The following ATP11A variants were observed in gnomAD, a reference collection of about 807,000 sequenced individuals.
ATP11A encodes the protein phospholipid-transporting ATPase IH.
In ATP11A, 81 loss-of-function variants were observed where a neutral mutation model predicts 154.4. The observed-to-expected ratio is 0.52, with a 90% CI of 0.44 to 0.63. The LOEUF (loss-of-function observed/expected upper bound fraction) is 0.63. Among genes scored for constraint, ATP11A ranks in the 30% least tolerant of loss-of-function variants. The pLI is 0.00. For synonymous variants in ATP11A, 623 were observed against 585.9 expected (o/e 1.06, Z -0.91); for missense variants, 1,316 against 1,474.3 (o/e 0.89, Z 1.76).
intron 2 of ATP11A, among the ~76,000 whole-genome samples, chr13:112,789,843 C>T (rs12017166): frequency 1.4e-5 from 2 of 141,568 alleles, no homozygotes; most frequent in African/African-American, 2.7e-5. Flanking sequence ...TGTAGTAGAC[C>T]CCTGTGGAGA....
At chr13:112,718,136 C>T (rs755945931) in intron 1 of ATP11A, among the ~76,000 whole-genome samples, 11 of 152,022 alleles carry the variant, frequency 7.2e-5, no homozygotes, top group South Asian at 2.1e-4. Context: ...CCCGCCAAGG[C>T]GTGAACAGGA....
chr13:112,826,598 ATAACTTAT>A, intron 11 of ATP11A, 88 bp from the exon 12 acceptor site: 1 of 1,009,488 alleles, frequency 9.9e-7, no homozygotes, highest in Admixed American at 1.8e-5. Flanking sequence ...TAGCGCTCGT[ATAACTTAT>A]GCCTAAGCCT....
chr13:112,878,185 C>G, intron 28 of ATP11A, 32 bp from the exon 29 acceptor site: 1 of 1,592,420 alleles, frequency 6.3e-7, no homozygotes, highest in Non-Finnish European at 8.6e-7. Flanking sequence ...TCACACACCC[C>G]TGTGTGCGTG....
Position 112,842,377 on chromosome 13 carries a change from G to GTGGTGAGAGCCGGGC in ATP11A, c.1809+2_1809+16dup. Reference sequence around the variant, plus strand: ...CCGAGCCAGAGTGGAGCGTAACGCAGTGGTGAGAGCCGGGCTGGGGAGGGC... The same window carrying GTGGTGAGAGCCGGGC: ...CCGAGCCAGAGTGGAGCGTAACGCAGTGGTGAGAGCCGGGCTGGTGAGAGCCGGGCTGGGGAGGGC... On this transcript the variant is annotated inframe_insertion and splice_region_variant, in exon 17 of 30. Coordinates refer to ENST00000375645, the MANE Select transcript of ATP11A (RefSeq NM_015205.3). The GTGGTGAGAGCCGGGC allele has an allele frequency of 6.2e-7, 1 of 1,601,274 alleles. No homozygotes were observed. The highest frequency in any genetic ancestry group is 8.5e-7 in the Non-Finnish European group (1 of 1,173,138).
intron 1 of ATP11A, among the ~76,000 whole-genome samples, chr13:112,748,455 T>C (rs2076610683): frequency 6.6e-6 from 1 of 152,218 alleles, no homozygotes; most frequent in Non-Finnish European, 1.5e-5. Context: ...AGCCTCCGCC[T>C]CCTGGGCTCA....
chr13:112,871,170 C>A (rs1011959555), intron 25 of ATP11A, among the ~76,000 whole-genome samples: 2 of 152,202 alleles, frequency 1.3e-5, no homozygotes, highest in Non-Finnish European at 1.5e-5. Context: ...CATTTACTCG[C>A]AGAACGTTCC....
Position 112,785,124 on chromosome 13 carries a change from C to G in ATP11A, c.40-11C>G, listed in dbSNP as rs2077592153. 2 of 1,470,532 alleles carry G rather than the reference C, an allele frequency of 1.4e-6. No individual in the cohort carries two copies. The highest frequency in any genetic ancestry group is 9.0e-7 in the Non-Finnish European group (1 of 1,107,878). 91.1% of individuals were successfully genotyped at this position (1,470,532 alleles called of 1,614,324 possible). ...TGAGGCAGCTGCCTAACACCGCTCT[C>G]CTTTCCGCAGTGTGCAGGAGAAGAG... is the stretch of plus-strand genomic sequence containing the variant. On this transcript the variant is annotated splice_polypyrimidine_tract_variant and intron_variant, in intron 1 of 29. Transcript: ENST00000375645. The surrounding 1 kb of genome is among the most constrained non-coding windows in gnomAD (Gnocchi z 4.8).
Position 112,854,381 on chromosome 13 carries a change from C to T in ATP11A, c.2094C>T (p.Cys698=). 6.2e-7 allele frequency: 1 copy of T among 1,614,062 alleles called. No homozygotes were observed. Among genetic ancestry groups the T allele is most frequent in the Non-Finnish European group, 8.5e-7 (1 of 1,180,048 alleles). ...GDKMETAAAT[C]YACKLFRRNT... The stretch of plus-strand genomic sequence containing the variant: ...AGATGGAGACGGCCGCGGCCACGTG[C>T]TACGCCTGCAAGCTCTTCCGCAGGA... The change falls in exon 19 of 30, where the codon TGC becomes TGT. Residue 698 remains cysteine (C), a synonymous_variant. Coordinates refer to ENST00000375645, the MANE Select transcript of ATP11A (RefSeq NM_015205.3).
chr13:112,691,483 G>GGGGTGT (rs1555299698), intron 1 of ATP11A, among the ~76,000 whole-genome samples: 12 of 125,136 alleles, frequency 9.6e-5, no homozygotes, highest in Admixed American at 4.4e-4. Flanking sequence ...AAAAAAAAAG[G>GGGGTGT]GTGTGTGTGT....
chr13:112,802,635 G>GT (rs1032416317), intron 2 of ATP11A, among the ~76,000 whole-genome samples: 9 of 151,172 alleles, frequency 6.0e-5, no homozygotes, highest in African/African-American at 2.2e-4. Context: ...CTCAAAGTGA[G>GT]TCATAGACCT....
chr13:112,737,879 T>G (rs1891156958), intron 1 of ATP11A, among the ~76,000 whole-genome samples: 1 of 152,202 alleles, frequency 6.6e-6, no homozygotes, highest in African/African-American at 2.4e-5. Context: ...CTCTGCTTTT[T>G]CGTGGTGCAG....
chr13:112,854,705 T>A (rs2140337140), intron 19 of ATP11A, among the ~76,000 whole-genome samples, 175 bp downstream of exon 19: 1 of 152,378 alleles, frequency 6.6e-6, no homozygotes. Context: ...CAAAACGGGC[T>A]GTTTTTTCCA....
intron 24 of ATP11A, chr13:112,860,695 G>A: frequency 3.4e-6 from 1 of 296,052 alleles, no homozygotes; most frequent in Non-Finnish European, 6.4e-6. Flanking sequence ...AGGGAGCTGG[G>A]GTACAAGCGT....
intron 12 of ATP11A, among the ~76,000 whole-genome samples, chr13:112,827,468 AG>A (rs2078962816): frequency 6.6e-6 from 1 of 152,236 alleles, no homozygotes. Flanking sequence ...CACAGCACAG[AG>A]TCTGGTGTGA....
chr13:112,769,710 A>T (rs1006852755), intron 1 of ATP11A, among the ~76,000 whole-genome samples: 4 of 152,152 alleles, frequency 2.6e-5, no homozygotes, highest in Non-Finnish European at 5.9e-5. Flanking sequence ...GATTTCTAGC[A>T]CTGATTTGCA....
chr13:112,878,019 G>A (rs567357084), intron 28 of ATP11A, among the ~76,000 whole-genome samples, 198 bp from the exon 29 acceptor site: 28 of 152,336 alleles, frequency 1.8e-4, no homozygotes, highest in African/African-American at 5.3e-4. Flanking sequence ...AGGGGCTGGC[G>A]GGTCACGGTG....
chr13:112,834,447 T>G (rs944020292), intron 14 of ATP11A, 142 bp from the exon 15 acceptor site: 2 of 645,556 alleles, frequency 3.1e-6, no homozygotes, highest in Middle Eastern at 3.8e-4. Flanking sequence ...TTCCTAACTT[T>G]ATAATGCAGT....
rs1229450878 is a variant in ATP11A, at chr13:112,855,970, T to C, written c.2303T>C (p.Ile768Thr). 3 of 1,614,114 alleles carry C rather than the reference T, an allele frequency of 1.9e-6. No individual in the cohort carries two copies. In the African/African-American group the frequency reaches 4.0e-5, roughly 22 times the overall value. Reference sequence around the variant, plus strand: ...ATCGACGGAGCTGCACTGTCTCTGATAATGAAGCCTCGAGAAGACGGGAGT... The same window carrying C: ...ATCGACGGAGCTGCACTGTCTCTGACAATGAAGCCTCGAGAAGACGGGAGT... The part of the protein sequence containing the change: ...LIIDGAALSL[I>T]MKPREDGSSG... The change falls in exon 20 of 30, where the codon ATA becomes ACA. Residue 768 changes from isoleucine (I) to threonine (T), a missense_variant. Transcript: ENST00000375645.
intron 1 of ATP11A, among the ~76,000 whole-genome samples, chr13:112,763,493 T>C (rs1420425599): frequency 2.0e-5 from 3 of 152,204 alleles, no homozygotes; most frequent in Non-Finnish European, 4.4e-5. Context: ...ATTGACATAT[T>C]TTGAAATGGC....
Sources: gnomAD v4.1 joint callset for allele counts (sites outside exome capture counted in the v4.1 genomes callset) on GRCh38, gnomAD v4.1.1 for gene constraint, Gnocchi (gnomAD v3.1) non-coding constraint, MANE v1.5 for transcripts, NCBI Gene and HGNC (gene_info 2026-07-23, HGNC 2026-07-21) for gene names.